The following POFUT1 variants were observed in gnomAD, a reference collection of about 807,000 sequenced individuals.
POFUT1 encodes protein O-fucosyltransferase 1.
Under a neutral mutation model 42.4 loss-of-function variants are expected in POFUT1, and 16 were observed. That is an observed-to-expected ratio of 0.38 (90% CI 0.26 to 0.57). The LOEUF is 0.57. POFUT1 is among the 20% of genes least tolerant of loss of function. The pLI is 0.71. For synonymous variants in POFUT1, 206 were observed against 205.4 expected (o/e 1.00, Z -0.03); for missense variants, 470 against 504.6 (o/e 0.93, Z 0.66).
In POFUT1 at chr20:32,215,291, A is replaced by G. The variant is rs1474906476; in HGVS notation, c.269A>G (p.Tyr90Cys). The change falls in exon 3 of 7, where the codon TAC becomes TGC. Residue 90 changes from tyrosine to cysteine, a missense_variant. Transcript: ENST00000375749. ...FTNLHVSYQK[Y>C]FKLEPLQAYH... ...TAGCTCCATGTGTCCTACCAGAAGTACTTCAAGCTGGAGCCCCTCCAGGCT... is the reference window on the plus strand; with the variant it reads ...TAGCTCCATGTGTCCTACCAGAAGTGCTTCAAGCTGGAGCCCCTCCAGGCT... 1 of 1,612,588 alleles carries G rather than the reference A, an allele frequency of 6.2e-7. No homozygotes were observed. The highest frequency in any genetic ancestry group is 1.7e-5 in the Admixed American group (1 of 59,998).
chr20:32,213,101 G>T (rs1187345744), intron 2 of POFUT1, among the ~76,000 whole-genome samples: 1 of 151,974 alleles, frequency 6.6e-6, no homozygotes, highest in Non-Finnish European at 1.5e-5. Flanking sequence ...GTCCAGAGTG[G>T]TCTCCAACTC....
chr20:32,223,353 C>T, intron 4 of POFUT1: 1 of 985,402 alleles, frequency 1.0e-6, no homozygotes, highest in East Asian at 1.1e-4. Context: ...GCAGATCAGC[C>T]TTAGCCTCTT....
At chr20:32,216,942 C>T (rs62207420) in intron 4 of POFUT1, 14 of 1,600,562 alleles carry the variant, frequency 8.7e-6, no homozygotes, top group Middle Eastern at 1.7e-4. Flanking sequence ...AAGAGTTCAT[C>T]GGTTGATAAG....
chr20:32,232,838 C>T (rs1403583608), intron 6 of POFUT1, among the ~76,000 whole-genome samples: 1 of 152,158 alleles, frequency 6.6e-6, no homozygotes, highest in South Asian at 2.1e-4. Flanking sequence ...CCCTCAACTC[C>T]CTTCTCCATG....
In POFUT1 at chr20:32,210,019, C is replaced by G. The variant is rs74183481; in HGVS notation, c.125-52C>G. 8.1e-6 allele frequency: 13 copies of G among 1,611,738 alleles called. No individual in the cohort carries two copies. In the African/African-American group the frequency reaches 1.6e-4, roughly 20 times the overall value. On this transcript the variant is annotated intron_variant, in intron 1 of 6. Coordinates refer to ENST00000375749, the MANE Select transcript of POFUT1 (RefSeq NM_015352.2). ...ACAACCTTTCTGAGCCCTGCATGCTCTATGCCCTCCATGCCCCAGGCCTCA... is the reference window on the plus strand; with the variant it reads ...ACAACCTTTCTGAGCCCTGCATGCTGTATGCCCTCCATGCCCCAGGCCTCA...
intron 3 of POFUT1, 45 bp from the exon 4 acceptor site, chr20:32,216,564 C>G (rs2047361450): frequency 7.8e-7 from 1 of 1,282,816 alleles, no homozygotes; most frequent in South Asian, 1.2e-5. Flanking sequence ...CCCCAAATGG[C>G]TTTCCCTCCC....
chr20:32,217,768 A>G (rs989943663), intron 4 of POFUT1: 4 of 981,216 alleles, frequency 4.1e-6, no homozygotes, highest in Middle Eastern at 5.2e-4. Flanking sequence ...AGACTTTGAG[A>G]TAGTTCATGA....
chr20:32,223,592 T>A (rs1462015228), intron 4 of POFUT1: 1 of 985,296 alleles, frequency 1.0e-6, no homozygotes, highest in Non-Finnish European at 1.2e-6. Flanking sequence ...CCTTTTGAGG[T>A]AGCATCTGAA....
chr20:32,224,167 G>A (rs1026068371), intron 4 of POFUT1, among the ~76,000 whole-genome samples: 3 of 152,124 alleles, frequency 2.0e-5, no homozygotes, highest in Non-Finnish European at 4.4e-5. Context: ...TGAGGCGGGC[G>A]GATCTTCTGA....
intron 1 of POFUT1, among the ~76,000 whole-genome samples, chr20:32,209,730 G>A (rs548121011): frequency 2.3e-4 from 35 of 152,326 alleles, no homozygotes; most frequent in Admixed American, 1.9e-3. Context: ...AGTGAATGAG[G>A]CATTCGAGTT....
In POFUT1 at chr20:32,222,640, C is replaced by T. The variant is rs6058561; in HGVS notation, c.543-5623C>T. 0.013 allele frequency: 12,808 copies of T among 985,292 alleles called. 1,338 individuals are homozygous for T. The African/African-American group carries it at 0.21, about 16-fold the overall frequency. 61.0% of individuals were successfully genotyped at this position (985,292 alleles called of 1,614,324 possible). ...GAAGTGTCTTTATTTTAGGCTGCCA[C>T]GTATCCAGCTGAAAACTGGGTTCGA... is the stretch of plus-strand genomic sequence containing the variant. On this transcript the variant is annotated intron_variant, in intron 4 of 6. Transcript: ENST00000375749.
chr20:32,234,523 C>T lies in POFUT1; in HGVS notation c.1029C>T (p.Ile343=). The T allele has an allele frequency of 6.2e-7, 1 of 1,613,922 alleles. No homozygotes were observed. The highest frequency in any genetic ancestry group is 8.5e-7 in the Non-Finnish European group (1 of 1,179,826). Residue 343 remains isoleucine, a synonymous_variant, in exon 7 of 7, where the codon ATC becomes ATT. Coordinates refer to ENST00000375749, the MANE Select transcript of POFUT1 (RefSeq NM_015352.2). The stretch of plus-strand genomic sequence containing the variant: ...AGGTGGCCCAGGTCGACCTGTACAT[C>T]CTCGGCCAAGCCGACCACTTTATTG... ...KPEVAQVDLY[I]LGQADHFIGN... is the part of the protein sequence containing the mutation.
chr20:32,228,291 G>T lies in POFUT1; in HGVS notation c.571G>T (p.Ala191Ser). 6.2e-7 allele frequency: 1 copy of T among 1,613,836 alleles called. No homozygotes were observed. The highest frequency in any genetic ancestry group is 8.5e-7 in the Non-Finnish European group (1 of 1,179,828). Residue 191 changes from alanine to serine, a missense_variant, in exon 5 of 7, where the codon GCC (alanine) becomes TCC (serine). Transcript: ENST00000375749. ...RFSPKEHPVL[A>S]LPGAPAQFPV... The stretch of plus-strand genomic sequence containing the variant: ...TTCTCCAAAGGAACATCCGGTGCTT[G>T]CCCTGCCAGGAGCCCCAGCCCAGTT...
In POFUT1 at chr20:32,234,681, C is replaced by T. The variant is rs919249163; in HGVS notation, c.*20C>T. ...TTCTGATTCTGGCCGGAGCACCAGACCCTCTGATCCTGGAGGGACCAGAGT... is the reference window on the plus strand; with the variant it reads ...TTCTGATTCTGGCCGGAGCACCAGATCCTCTGATCCTGGAGGGACCAGAGT... On this transcript the variant is annotated 3_prime_UTR_variant, in exon 7 of 7. Coordinates refer to ENST00000375749, the MANE Select transcript of POFUT1 (RefSeq NM_015352.2). The T allele has an allele frequency of 6.3e-7, 1 of 1,582,628 alleles. No individual in the cohort carries two copies. Among genetic ancestry groups the T allele is most frequent in the South Asian group, 1.2e-5 (1 of 86,664 alleles).
At chr20:32,208,687 G>A (rs1484359167) in intron 1 of POFUT1, among the ~76,000 whole-genome samples, 2 of 147,142 alleles carry the variant, frequency 1.4e-5, no homozygotes, top group Non-Finnish European at 3.0e-5. Context: ...GCGTGGTATC[G>A]TGTGCTTGTA....
chr20:32,225,129 C>A (rs188622752), intron 4 of POFUT1, among the ~76,000 whole-genome samples: 6 of 152,286 alleles, frequency 3.9e-5, no homozygotes, highest in Admixed American at 3.3e-4. Flanking sequence ...TAACTACATA[C>A]ATGTAGATCA....
chr20:32,234,937 G>A lies in POFUT1; in HGVS notation c.*276G>A, dbSNP rs939953986. The A allele has an allele frequency of 4.4e-5, 16 of 361,716 alleles. No individual in the cohort carries two copies. Among genetic ancestry groups the A allele is most frequent in the African/African-American group, 1.0e-4 (5 of 48,290 alleles). 22.4% of individuals were successfully genotyped at this position (361,716 alleles called of 1,614,324 possible). On this transcript the variant is annotated 3_prime_UTR_variant, in exon 7 of 7. Coordinates refer to ENST00000375749, the MANE Select transcript of POFUT1 (RefSeq NM_015352.2). ...ACACTGGCAAAGCAGTCCAGCCTCC[G>A]TCTTCTGGTCCACTCTGCTCTGAGC...
intron 2 of POFUT1, among the ~76,000 whole-genome samples, chr20:32,213,616 C>T (rs958936384): frequency 1.3e-5 from 2 of 151,136 alleles, no homozygotes; most frequent in Admixed American, 6.6e-5. Context: ...ACTATAGATA[C>T]AAAAAATTAG....
At chr20:32,213,580 G>A (rs1457606763) in intron 2 of POFUT1, among the ~76,000 whole-genome samples, 2 of 152,020 alleles carry the variant, frequency 1.3e-5, no homozygotes, top group Non-Finnish European at 2.9e-5. Context: ...AGACCAGCCT[G>A]GCCAAAATGG....
Sources: gnomAD v4.1 joint callset for allele counts (sites outside exome capture counted in the v4.1 genomes callset) on GRCh38, gnomAD v4.1.1 for gene constraint, MANE v1.5 for transcripts, NCBI Gene and HGNC (gene_info 2026-07-23, HGNC 2026-07-21) for gene names.